The following GPSM1 variants were observed in gnomAD, a reference collection of about 807,000 sequenced individuals.
GPSM1 encodes the protein G protein-signaling modulator 1.
A neutral mutation model predicts 70.5 loss-of-function variants in GPSM1; 48 were observed. The observed-to-expected ratio is 0.68, with a 90% CI of 0.54 to 0.87. The LOEUF is 0.87. GPSM1 is among the 40% of genes least tolerant of loss of function. The pLI, the probability that GPSM1 is intolerant of heterozygous loss-of-function variation, is 0.00. For missense variants in GPSM1, 981 were observed against 972.6 expected, an observed-to-expected ratio of 1.01 and a Z score of -0.11; for synonymous variants, 416 against 430.1, an observed-to-expected ratio of 0.97 and a Z score of 0.41.
chr9:136,341,579 T>C lies in GPSM1; in HGVS notation c.1207+586T>C. ...AGGTGCCAGGGGGGTGGTGCCAGGT[T>C]GGGCCGACTTCCTGAGGTGGCTGGC... On this transcript the variant is annotated intron_variant, in intron 9 of 13. Coordinates refer to ENST00000440944, the MANE Select transcript of GPSM1 (RefSeq NM_001145638.3). The surrounding 1 kb of genome is among the most constrained non-coding windows in gnomAD (Gnocchi z 6.7). 1.3e-5 allele frequency: 13 copies of C among 1,016,860 alleles called. No individual in the cohort carries two copies. Among genetic ancestry groups the C allele is most frequent in the Non-Finnish European group, 1.5e-5 (13 of 848,988 alleles). 63.0% of individuals were successfully genotyped at this position (1,016,860 alleles called of 1,614,324 possible).
intron 10 of GPSM1, 118 bp downstream of exon 10, chr9:136,348,885 T>G (rs1188574528): frequency 1.3e-6 from 1 of 744,188 alleles, no homozygotes; most frequent in Non-Finnish European, 2.3e-6. Context: ...GAGATAAATG[T>G]GCCCTCCTCG....
rs1463778882 is a variant in GPSM1 at position 136,327,775 on chromosome 9, C to CGGGGCCGGGGCCGGGGCCGGGGCT, written c.68+16_68+39dup. 1 of 983,288 alleles carries CGGGGCCGGGGCCGGGGCCGGGGCT rather than the reference C, an allele frequency of 1.0e-6. No homozygotes were observed. Among genetic ancestry groups the CGGGGCCGGGGCCGGGGCCGGGGCT allele is most frequent in the Non-Finnish European group, 1.3e-6 (1 of 776,680 alleles). 60.9% of individuals were successfully genotyped at this position (983,288 alleles called of 1,614,324 possible). On this transcript the variant is annotated intron_variant, in intron 1 of 13. Coordinates refer to ENST00000440944, the MANE Select transcript of GPSM1 (RefSeq NM_001145638.3). ...CGCCTCTACTCCAGGTAGGACGGGC[C>CGGGGCCGGGGCCGGGGCCGGGGCT]GGGGCCGGGGCCGGGGCCGGGGCTG... is the stretch of plus-strand genomic sequence containing the variant.
chr9:136,350,602 C>G (rs556912934), intron 11 of GPSM1, among the ~76,000 whole-genome samples: 1 of 152,272 alleles, frequency 6.6e-6, no homozygotes, highest in East Asian at 1.9e-4. Context: ...CTGCAGAGCC[C>G]CTGGTGAGGG....
At chr9:136,354,989 G>A in intron 11 of GPSM1, 2 of 1,082,128 alleles carry the variant, frequency 1.8e-6, no homozygotes, top group South Asian at 2.3e-5. Flanking sequence ...CCCATGAGAG[G>A]GGAGAAGTCC....
chr9:136,328,972 TGA>T (rs1832042360), intron 1 of GPSM1, among the ~76,000 whole-genome samples: 1 of 151,886 alleles, frequency 6.6e-6, no homozygotes, highest in African/African-American at 2.4e-5. Flanking sequence ...AGTTTGAGTG[TGA>T]GTGTGTGGAG....
chr9:136,331,383 C>G (rs1832096735), intron 1 of GPSM1, among the ~76,000 whole-genome samples: 1 of 151,352 alleles, frequency 6.6e-6, no homozygotes, highest in South Asian at 2.1e-4. Context: ...CCCCGCTGCC[C>G]CATGCTGGCA....
At chr9:136,327,903 G>T in intron 1 of GPSM1, 140 bp downstream of exon 1, 1 of 223,750 alleles carries the variant, frequency 4.5e-6, no homozygotes, top group Non-Finnish European at 8.3e-6. Flanking sequence ...CCTCCCTCCA[G>T]GCCGAGCCCA....
In GPSM1 at chr9:136,355,011, C is replaced by T. The variant is rs1554772758; in HGVS notation, c.1456-679C>T. ...GAGGGGAGAAGTCCGGGGCAGTCGGCGGGTGCCGAGGGTGAGTGACACGTC... is the reference window on the plus strand; with the variant it reads ...GAGGGGAGAAGTCCGGGGCAGTCGGTGGGTGCCGAGGGTGAGTGACACGTC... On this transcript the variant is annotated intron_variant, in intron 11 of 13. Transcript: ENST00000440944. The T allele has an allele frequency of 9.2e-6, 10 of 1,081,182 alleles. No homozygotes were observed. The East Asian group carries it at 3.3e-4, about 35-fold the overall frequency. The allele number at this position is 1,081,182 out of a possible 1,614,324, so 67.0% of individuals were successfully genotyped here.
chr9:136,335,016 C>T (rs575229488), intron 2 of GPSM1, among the ~76,000 whole-genome samples: 34 of 152,290 alleles, frequency 2.2e-4, no homozygotes, highest in African/African-American at 7.2e-4. Context: ...GGCTCTGGGA[C>T]CCCGGCAGGG....
In GPSM1 at chr9:136,357,970, G is replaced by A. The variant is rs1001317799; in HGVS notation, c.1822-44G>A. 7 of 1,516,006 alleles carry A rather than the reference G, an allele frequency of 4.6e-6. No homozygotes were observed. In the East Asian group the frequency reaches 1.6e-4, roughly 34 times the overall value. 93.9% of individuals were successfully genotyped at this position (1,516,006 alleles called of 1,614,324 possible). A position where few individuals can be genotyped will look rare whatever the true frequency, so the allele number is the denominator to read the frequency against. ...CGCTGCTGACCAGCCCCGGACCACT[G>A]GGGCTGGGGGGGTGAGGCCGCCAAC... On this transcript the variant is annotated intron_variant, in intron 13 of 13. Coordinates refer to ENST00000440944, the MANE Select transcript of GPSM1 (RefSeq NM_001145638.3).
rs1244461033 is a variant in GPSM1, at chr9:136,342,168, T to C, written c.1207+1175T>C. ...GTGCCCCCCAGGATGTCCAGGCCTA[T>C]TTCTACCCATGGCCGGGGTTTCCTA... On this transcript the variant is annotated intron_variant, in intron 9 of 13. Coordinates refer to ENST00000440944, the MANE Select transcript of GPSM1 (RefSeq NM_001145638.3). The surrounding 1 kb of genome is among the most constrained non-coding windows in gnomAD (Gnocchi z 5.5). Among the ~76,000 whole-genome samples the C allele has an allele frequency of 1.3e-5, 2 of 152,110 alleles. No homozygotes were observed. The highest frequency in any genetic ancestry group is 2.9e-5 in the Non-Finnish European group (2 of 68,012).
At chr9:136,334,174 C>T (rs1832169990) in intron 1 of GPSM1, among the ~76,000 whole-genome samples, 3 of 152,228 alleles carry the variant, frequency 2.0e-5, no homozygotes, top group South Asian at 2.1e-4. Flanking sequence ...GCCGGGGTCA[C>T]AAACTCACAC....
At chr9:136,357,789 C>T (rs1832875810) in intron 13 of GPSM1, among the ~76,000 whole-genome samples, 1 of 152,242 alleles carries the variant, frequency 6.6e-6, no homozygotes, top group Non-Finnish European at 1.5e-5. Context: ...CGGGCCTGCC[C>T]TGGGCTCCTG....
At position 136,343,888 on chromosome 9, in the gene GPSM1, G is replaced by A. The variant is rs1246644281; in HGVS notation, c.1207+2895G>A. Among the ~76,000 whole-genome samples the A allele has an allele frequency of 2.6e-5, 4 of 152,184 alleles. No individual in the cohort carries two copies. The highest frequency in any genetic ancestry group is 2.6e-4 in the Admixed American group (4 of 15,286). ...TGGAGGATGCACCCTCTGTCCGTGCGCCTAAGAGGGCCCAGAGGGGACAGT... is the reference window on the plus strand; with the variant it reads ...TGGAGGATGCACCCTCTGTCCGTGCACCTAAGAGGGCCCAGAGGGGACAGT... On this transcript the variant is annotated intron_variant, in intron 9 of 13. Transcript: ENST00000440944. This position sits in a 1 kb window ranked among gnomAD's most constrained non-coding sequence, Gnocchi z 6.0.
rs782666344 is a variant in GPSM1 at position 136,334,555 on chromosome 9, C to G, written c.177C>G (p.Thr59=). Residue 59 remains threonine (T), a synonymous_variant, in exon 2 of 14, where the codon ACC becomes ACG. Coordinates refer to ENST00000440944, the MANE Select transcript of GPSM1 (RefSeq NM_001145638.3). Reference sequence around the variant, plus strand: ...TTGAGGCTGCTGTGCAGGTGGGCACCGAGGACCTGAAGACACTGAGTGCCA... The same window carrying G: ...TTGAGGCTGCTGTGCAGGTGGGCACGGAGGACCTGAAGACACTGAGTGCCA... The part of the protein sequence containing the change: ...AFFEAAVQVG[T]EDLKTLSAIY... 1 of 1,613,102 alleles carries G rather than the reference C, an allele frequency of 6.2e-7. No homozygotes were observed. The highest frequency in any genetic ancestry group is 8.5e-7 in the Non-Finnish European group (1 of 1,179,834).
Position 136,338,575 on chromosome 9 carries a change from G to C in GPSM1, c.839G>C (p.Arg280Pro). 6.2e-7 allele frequency: 1 copy of C among 1,611,262 alleles called. No individual in the cohort carries two copies. Residue 280 changes from arginine (R) to proline (P), a missense_variant, in exon 7 of 14, where the codon CGG (arginine) becomes CCG (proline). Coordinates refer to ENST00000440944, the MANE Select transcript of GPSM1 (RefSeq NM_001145638.3). ...CACAGGAAGACGCTGCAACTGTCTC[G>C]GCAGCTCAGGGACCAGGCAGTGGAG... ...EYYKKTLQLS[R>P]QLRDQAVEAQ...
chr9:136,332,608 G>A (rs1832127873), intron 1 of GPSM1, among the ~76,000 whole-genome samples: 1 of 152,204 alleles, frequency 6.6e-6, no homozygotes, highest in African/African-American at 2.4e-5. Flanking sequence ...TAATCAGGAA[G>A]CCCCGTGCGT....
In GPSM1 at chr9:136,341,241, T is replaced by C. The variant is rs1338033722; in HGVS notation, c.1207+248T>C. The C allele has an allele frequency of 4.6e-6, 7 of 1,506,564 alleles. No individual in the cohort carries two copies. The highest frequency in any genetic ancestry group is 6.2e-6 in the Non-Finnish European group (7 of 1,123,916). The allele number at this position is 1,506,564 out of a possible 1,614,324, so 93.3% of individuals were successfully genotyped here. A position where few individuals can be genotyped will look rare whatever the true frequency, so the allele number is the denominator to read the frequency against. Reference sequence around the variant, plus strand: ...ATGAAGGACAGGAGGTGGTCGCCTGTTGCCCCACTGGCTGCTCCAGGGCCT... The same window carrying C: ...ATGAAGGACAGGAGGTGGTCGCCTGCTGCCCCACTGGCTGCTCCAGGGCCT... On this transcript the variant is annotated intron_variant, in intron 9 of 13. Transcript: ENST00000440944. This position sits in a 1 kb window ranked among gnomAD's most constrained non-coding sequence, Gnocchi z 6.7.
chr9:136,327,973 AG>A (rs577212562), intron 1 of GPSM1, among the ~76,000 whole-genome samples: 3,872 of 87,632 alleles, frequency 0.044, 125 homozygotes, highest in African/African-American at 0.12. Flanking sequence ...GCCAAGGGGA[AG>A]GGGGTGGGGG....
Sources: allele counts gnomAD v4.1 joint callset (sites outside exome capture counted in the v4.1 genomes callset), GRCh38; gene constraint gnomAD v4.1.1; non-coding constraint Gnocchi (gnomAD v3.1); transcripts MANE v1.5; gene names NCBI Gene and HGNC (gene_info 2026-07-23, HGNC 2026-07-21).